The following PHIP variants were observed in gnomAD, a reference collection of about 807,000 sequenced individuals.
The protein encoded by PHIP is PH-interacting protein.
PHIP carries 54 observed loss-of-function variants against 236.8 expected under a neutral mutation model. The observed-to-expected ratio is 0.23, with a 90% CI of 0.18 to 0.29. PHIP has a LOEUF of 0.29. PHIP is among the 10% of genes least tolerant of loss of function. PHIP has a pLI of 1.00. For synonymous variants in PHIP, 756 were observed against 718.9 expected (o/e 1.05, Z -0.83); for missense variants, 1,370 against 2,190.8 (o/e 0.63, Z 7.48).
Position 78,935,712 on chromosome 6 carries a change from C to A in PHIP, c.*4981G>T. On this transcript the variant is annotated 3_prime_UTR_variant, in exon 40 of 40. Transcript: ENST00000275034. ...CAGTTTTCACACTTTGCAAAACACA[C>A]AGGGCACTGGAAACTCTAATGAACC... 1.0e-6 allele frequency: 1 copy of A among 985,100 alleles called. No individual in the cohort carries two copies. Among genetic ancestry groups the A allele is most frequent in the Non-Finnish European group, 1.2e-6 (1 of 829,660 alleles). The allele number at this position is 985,100 out of a possible 1,614,324, so 61.0% of individuals were successfully genotyped here.
chr6:78,964,088 T>C (rs1582119531), intron 29 of PHIP, among the ~76,000 whole-genome samples: 1 of 152,294 alleles, frequency 6.6e-6, no homozygotes, highest in Admixed American at 6.5e-5. Flanking sequence ...TTCACAACAG[T>C]TCAATGTGAG....
At chr6:78,960,570 G>A (rs1398088891) in intron 31 of PHIP, among the ~76,000 whole-genome samples, 5 of 151,402 alleles carry the variant, frequency 3.3e-5, no homozygotes, top group Non-Finnish European at 7.4e-5. Flanking sequence ...TTATCTCTAC[G>A]CTTTTTGACA....
At chr6:79,011,933 G>A (rs1442292085) in intron 15 of PHIP, among the ~76,000 whole-genome samples, 2 of 151,366 alleles carry the variant, frequency 1.3e-5, no homozygotes, top group Non-Finnish European at 3.0e-5. Context: ...ATGACTATCA[G>A]TGCAATATTA....
At chr6:79,008,371 T>G (rs566500370) in intron 15 of PHIP, among the ~76,000 whole-genome samples, 1 of 151,682 alleles carries the variant, frequency 6.6e-6, no homozygotes, top group African/African-American at 2.4e-5. Context: ...GAAAAAAAAA[T>G]TATTATATAA....
intron 7 of PHIP, among the ~76,000 whole-genome samples, chr6:79,037,417 G>T (rs1771994593): frequency 6.6e-6 from 1 of 152,154 alleles, no homozygotes; most frequent in Non-Finnish European, 1.5e-5. Context: ...ACATCCCAGA[G>T]CTAGTGAAGT....
chr6:78,963,181 G>A lies in PHIP; in HGVS notation c.3451C>T (p.Pro1151Ser), dbSNP rs748430728. Residue 1151 changes from proline to serine, a missense_variant, in exon 30 of 40, where the codon CCT (proline) becomes TCT (serine). Physicochemically the swap from Pro to Ser is moderately conservative, Grantham distance 74 (BLOSUM62 -1). This residue lies in a region of PHIP where 238 missense variants were observed against 398.5 expected (regional missense o/e 0.60). Coordinates refer to ENST00000275034, the MANE Select transcript of PHIP (RefSeq NM_017934.7). The stretch of plus-strand genomic sequence containing the variant: ...TTGGTACCCCATTCTCCATCAAGAG[G>A]TTTATAGATTAGTGATCTGCACTCA... ...DGECRSLIYK[P>S]LDGEWGTNPR... 6.2e-7 allele frequency: 1 copy of A among 1,611,214 alleles called. No individual in the cohort carries two copies. Among genetic ancestry groups the A allele is most frequent in the East Asian group, 2.2e-5 (1 of 44,700 alleles).
In PHIP at chr6:79,077,745, G is replaced by A. The variant is rs1208674134; in HGVS notation, c.100-16C>T. 8 of 1,003,014 alleles carry A rather than the reference G, an allele frequency of 8.0e-6. No individual in the cohort carries two copies. The highest frequency in any genetic ancestry group is 2.2e-4 in the East Asian group (2 of 9,126). 62.1% of individuals were successfully genotyped at this position (1,003,014 alleles called of 1,614,324 possible). On this transcript the variant is annotated splice_polypyrimidine_tract_variant and intron_variant, in intron 2 of 39. Coordinates refer to ENST00000275034, the MANE Select transcript of PHIP (RefSeq NM_017934.7). The stretch of plus-strand genomic sequence containing the variant: ...GGATCAGCACCTGCAACAACAAAGC[G>A]GGGAGAGCTGAGCCCCGCGCCCCGG...
chr6:79,057,154 G>A (rs1278746831), intron 6 of PHIP, among the ~76,000 whole-genome samples: 1 of 152,120 alleles, frequency 6.6e-6, no homozygotes, highest in African/African-American at 2.4e-5. Flanking sequence ...AGGTCCAACA[G>A]TTTCCATATG....
At chr6:79,070,750 C>T (rs1001052590) in intron 4 of PHIP, among the ~76,000 whole-genome samples, 1 of 152,150 alleles carries the variant, frequency 6.6e-6, no homozygotes, top group African/African-American at 2.4e-5. Flanking sequence ...TTCGTATAAC[C>T]TTTACACTCC....
intron 35 of PHIP, among the ~76,000 whole-genome samples, chr6:78,948,116 A>T (rs1773929193): frequency 6.6e-6 from 1 of 152,184 alleles, no homozygotes; most frequent in Non-Finnish European, 1.5e-5. Flanking sequence ...GAAAAACTCA[A>T]AACTTTATAC....
At position 78,934,943 on chromosome 6, in the gene PHIP, G is replaced by GT. The variant is rs894868317; in HGVS notation, c.*5749dup. Reference sequence around the variant, plus strand: ...CCATTCTTTTCCCAAAGACTAATCAGTAAGTGGTAAATGTGTTAAATTTAC... The same window carrying GT: ...CCATTCTTTTCCCAAAGACTAATCAGTTAAGTGGTAAATGTGTTAAATTTAC... On this transcript the variant is annotated 3_prime_UTR_variant, in exon 40 of 40. Transcript: ENST00000275034. 6.6e-6 allele frequency among the ~76,000 whole-genome samples: 1 copy of GT among 152,134 alleles called. No individual in the cohort carries two copies. The highest frequency in any genetic ancestry group is 2.4e-5 in the African/African-American group (1 of 41,410).
chr6:79,054,141 T>C (rs1214978163), intron 6 of PHIP, among the ~76,000 whole-genome samples: 1 of 150,890 alleles, frequency 6.6e-6, no homozygotes, highest in Non-Finnish European at 1.5e-5. Flanking sequence ...TAATACACCT[T>C]GCAAGTCTCT....
chr6:78,962,450 T>A (rs1270214832), intron 30 of PHIP, among the ~76,000 whole-genome samples: 1 of 152,184 alleles, frequency 6.6e-6, no homozygotes, highest in Non-Finnish European at 1.5e-5. Context: ...AGTGTTGGCA[T>A]TTTATAAAAT....
chr6:79,077,363 T>C, intron 4 of PHIP, 85 bp downstream of exon 4: 1 of 1,278,406 alleles, frequency 7.8e-7, no homozygotes, highest in Non-Finnish European at 1.1e-6. Flanking sequence ...GGGCCAAGTT[T>C]TTGTCTCTGT....
At chr6:79,048,942 G>A (rs996600638) in intron 6 of PHIP, among the ~76,000 whole-genome samples, 5 of 152,162 alleles carry the variant, frequency 3.3e-5, no homozygotes, top group Admixed American at 1.3e-4. Context: ...TAACTCGGAA[G>A]GTATCTCAGT....
At chr6:79,066,909 G>A (rs1773649431) in intron 4 of PHIP, among the ~76,000 whole-genome samples, 1 of 152,040 alleles carries the variant, frequency 6.6e-6, no homozygotes, top group Non-Finnish European at 1.5e-5. Flanking sequence ...TGTTTTTTAA[G>A]GGGGCAGGGG....
chr6:79,000,753 C>T (rs1459135717), intron 17 of PHIP, among the ~76,000 whole-genome samples: 4 of 151,978 alleles, frequency 2.6e-5, no homozygotes, highest in Non-Finnish European at 5.9e-5. Context: ...CCATACTTCT[C>T]GAATACTACT....
chr6:78,973,879 G>C (rs1767820202), intron 24 of PHIP, among the ~76,000 whole-genome samples: 1 of 151,656 alleles, frequency 6.6e-6, no homozygotes. Context: ...CATAAAGCAA[G>C]TCTTGAGTGA....
chr6:79,072,089 A>G (rs1157907943), intron 4 of PHIP, among the ~76,000 whole-genome samples: 1 of 152,212 alleles, frequency 6.6e-6, no homozygotes, highest in African/African-American at 2.4e-5. Context: ...GATTGACAAA[A>G]CAGAAGTCAA....
Sources: gnomAD v4.1 joint callset for allele counts (sites outside exome capture counted in the v4.1 genomes callset) on GRCh38, gnomAD v4.1.1 for gene constraint, gnomAD v4.1.1 regional missense constraint, MANE v1.5 for transcripts, NCBI Gene and HGNC (gene_info 2026-07-23, HGNC 2026-07-21) for gene names.